The following GMDS variants were observed in gnomAD, a reference collection of about 807,000 sequenced individuals.
GMDS encodes the protein GDP-mannose 4,6 dehydratase.
A neutral mutation model predicts 49.9 loss-of-function variants in GMDS; 20 were observed. The ratio of observed to expected loss-of-function variants is 0.40; its 90% CI spans 0.28 to 0.58. The LOEUF (loss-of-function observed/expected upper bound fraction) is 0.58, where lower values mean the gene tolerates loss of function less well. Among genes scored for constraint, GMDS ranks in the 20% least tolerant of loss-of-function variants. The pLI is 0.42. For synonymous variants in GMDS, 177 were observed against 178.6 expected (o/e 0.99, Z 0.07); for missense variants, 362 against 481.4 (o/e 0.75, Z 2.32).
intron 8 of GMDS, among the ~76,000 whole-genome samples, chr6:1,734,505 G>A (rs556772087): frequency 1.6e-4 from 25 of 152,344 alleles, no homozygotes; most frequent in African/African-American, 6.0e-4. Flanking sequence ...GGGAAGGGGT[G>A]CTGGAGCCAA....
At chr6:2,123,355 C>T (rs1027897114) in intron 2 of GMDS, among the ~76,000 whole-genome samples, 10 of 152,216 alleles carry the variant, frequency 6.6e-5, no homozygotes, top group African/African-American at 2.4e-4. Context: ...TTGAGCATCA[C>T]TTCTGACATG....
At chr6:1,988,472 C>T (rs949826157) in intron 4 of GMDS, among the ~76,000 whole-genome samples, 11 of 152,078 alleles carry the variant, frequency 7.2e-5, no homozygotes, top group African/African-American at 1.2e-4. Flanking sequence ...GCGGTGGGGG[C>T]GAGGGGGGCT....
intron 4 of GMDS, among the ~76,000 whole-genome samples, chr6:2,000,562 A>G (rs1766744852): frequency 1.3e-5 from 2 of 152,206 alleles, no homozygotes; most frequent in African/African-American, 4.8e-5. Context: ...TTCGATTAGC[A>G]TAATATTTTT....
chr6:1,953,664 A>C (rs1763477055), intron 6 of GMDS, among the ~76,000 whole-genome samples: 1 of 152,184 alleles, frequency 6.6e-6, no homozygotes, highest in Non-Finnish European at 1.5e-5. Flanking sequence ...TTTACCTCCT[A>C]ATGTAATAAA....
intron 9 of GMDS, among the ~76,000 whole-genome samples, chr6:1,633,552 G>A (rs958776533): frequency 2.6e-5 from 4 of 152,134 alleles, no homozygotes; most frequent in African/African-American, 9.7e-5. Flanking sequence ...AGGGCGGGAG[G>A]GCACTCTGTA....
chr6:2,079,792 T>C (rs535438525), intron 4 of GMDS, among the ~76,000 whole-genome samples: 89 of 152,232 alleles, frequency 5.8e-4, no homozygotes, highest in African/African-American at 2.1e-3. Context: ...CTTTCTTGCA[T>C]TGTATATGTT....
chr6:1,706,663 C>T (rs1036905015), intron 9 of GMDS, among the ~76,000 whole-genome samples: 1 of 152,206 alleles, frequency 6.6e-6, no homozygotes, highest in Non-Finnish European at 1.5e-5. Context: ...GAGCACGAGG[C>T]GTCCGCAGCA....
At chr6:2,056,861 G>T (rs1035377582) in intron 4 of GMDS, among the ~76,000 whole-genome samples, 3 of 151,954 alleles carry the variant, frequency 2.0e-5, no homozygotes, top group Non-Finnish European at 4.4e-5. Flanking sequence ...CCAACCAAAA[G>T]TATTCTGATG....
intron 7 of GMDS, among the ~76,000 whole-genome samples, chr6:1,746,785 T>C (rs1236078208): frequency 6.6e-5 from 10 of 152,052 alleles, no homozygotes; most frequent in African/African-American, 1.9e-4. Flanking sequence ...CACTGCAACC[T>C]CCGCCTCCCG....
At chr6:1,913,156 C>T (rs554511537) in intron 7 of GMDS, among the ~76,000 whole-genome samples, 101 of 151,850 alleles carry the variant, frequency 6.7e-4, no homozygotes, top group African/African-American at 2.1e-3. Flanking sequence ...CCGAGGCGGG[C>T]GGATCACGAG....
chr6:1,996,717 C>T (rs566874911), intron 4 of GMDS, among the ~76,000 whole-genome samples: 1 of 152,252 alleles, frequency 6.6e-6, no homozygotes, highest in African/African-American at 2.4e-5. Flanking sequence ...TAGGAAGCTG[C>T]ACACATCATT....
At chr6:2,107,607 A>C (rs924726455) in intron 4 of GMDS, among the ~76,000 whole-genome samples, 1 of 152,268 alleles carries the variant, frequency 6.6e-6, no homozygotes, top group African/African-American at 2.4e-5. Context: ...GTGTCCACAC[A>C]GGTGAAGGGA....
intron 4 of GMDS, among the ~76,000 whole-genome samples, chr6:2,014,126 A>G (rs1340632227): frequency 7.3e-6 from 1 of 137,796 alleles, no homozygotes; most frequent in African/African-American, 2.6e-5. Flanking sequence ...CCCCCCCCCA[A>G]AAAAATAAAA....
Position 1,992,257 on chromosome 6 carries a change from C to A in GMDS, c.346-31291G>T, listed in dbSNP as rs137962274. On this transcript the variant is annotated intron_variant, in intron 4 of 10. Transcript: ENST00000380815. Reference sequence around the variant, plus strand: ...AATTGGCCCTTAACTGGGCACTCTGCGAGCCTCTCCATCTCACCCTGTCTA... The same window carrying A: ...AATTGGCCCTTAACTGGGCACTCTGAGAGCCTCTCCATCTCACCCTGTCTA... 4.6e-5 allele frequency among the ~76,000 whole-genome samples: 7 copies of A among 152,264 alleles called. No individual in the cohort carries two copies. The East Asian group carries it at 1.4e-3, about 29-fold the overall frequency.
Position 1,697,826 on chromosome 6 carries a change from GCTTT to G in GMDS, c.987+28586_987+28589del, listed in dbSNP as rs1456240395. ...AAACAATGCAAGCTCACGAGAGGAA[GCTTT>G]CTTCCTTTGTCATGATCCCTCCATT... On this transcript the variant is annotated intron_variant, in intron 9 of 10. Coordinates refer to ENST00000380815, the MANE Select transcript of GMDS (RefSeq NM_001500.4). Among the ~76,000 whole-genome samples, 5 of 152,326 alleles carry G rather than the reference GCTTT, an allele frequency of 3.3e-5. No homozygotes were observed. The South Asian group carries it at 6.2e-4, about 19-fold the overall frequency.
chr6:1,813,396 A>G (rs1246281784), intron 7 of GMDS, among the ~76,000 whole-genome samples: 2 of 152,154 alleles, frequency 1.3e-5, no homozygotes, highest in Non-Finnish European at 2.9e-5. Flanking sequence ...CCCAGCGCTC[A>G]ATGCCTAAGT....
chr6:1,801,066 CA>C (rs1393467836), intron 7 of GMDS, among the ~76,000 whole-genome samples: 4 of 152,340 alleles, frequency 2.6e-5, no homozygotes, highest in African/African-American at 9.6e-5. Flanking sequence ...TCGGGGGATA[CA>C]ATCTGCTTCC....
chr6:1,692,321 C>G (rs1169606866), intron 9 of GMDS, among the ~76,000 whole-genome samples: 2 of 152,228 alleles, frequency 1.3e-5, no homozygotes, highest in Non-Finnish European at 2.9e-5. Flanking sequence ...ACCCTGTGAC[C>G]ATGTGAGTCA....
intron 1 of GMDS, among the ~76,000 whole-genome samples, chr6:2,136,341 A>G (rs1775998792): frequency 1.3e-5 from 2 of 152,244 alleles, no homozygotes; most frequent in Non-Finnish European, 2.9e-5. Flanking sequence ...AAGTTTTCTC[A>G]TAACGAAATT....
Sources: allele counts gnomAD v4.1 joint callset (sites outside exome capture counted in the v4.1 genomes callset), GRCh38; gene constraint gnomAD v4.1.1; transcripts MANE v1.5; gene names NCBI Gene and HGNC (gene_info 2026-07-23, HGNC 2026-07-21).